Variants in SLC39A14 observed in about 807,000 individuals in gnomAD.
SLC39A14 encodes the protein metal cation symporter ZIP14.
Under a neutral mutation model 45.5 loss-of-function variants are expected in SLC39A14, and 19 were observed. That is an observed-to-expected ratio of 0.42 (90% CI 0.29 to 0.61). SLC39A14 has a LOEUF of 0.61. SLC39A14 is among the 20% of genes least tolerant of loss of function. The probability of loss-of-function intolerance (pLI) is 0.22; values close to 1 mark genes in which losing one functional copy is unlikely to be tolerated. For missense variants in SLC39A14, 447 were observed against 616.5 expected (o/e 0.73, Z 2.91); for synonymous variants, 264 against 251.3 (o/e 1.05, Z -0.48).
chr8:22,427,164 C>A (rs534159711), downstream of SLC39A14, among the ~76,000 whole-genome samples: 2 of 151,854 alleles, frequency 1.3e-5, no homozygotes, highest in Non-Finnish European at 2.9e-5. Flanking sequence ...TGGTGGCACA[C>A]CCTGTAATCC....
At position 22,421,092 on chromosome 8, in the gene SLC39A14, A is replaced by G. The variant is rs1374768572; in HGVS notation, c.*1394A>G. ...GAATTGATTTATTATTATCATATTG[A>G]TAATGTGAGATTCTTTAGCCACTTT... On this transcript the variant is annotated 3_prime_UTR_variant, in exon 9 of 9. Transcript: ENST00000381237. 4.1e-6 allele frequency: 4 copies of G among 985,678 alleles called. No individual in the cohort carries two copies. The African/African-American group carries it at 7.0e-5, about 17-fold the overall frequency. 61.1% of individuals were successfully genotyped at this position (985,678 alleles called of 1,614,324 possible).
At chr8:22,418,322 A>G (rs1586750475) in intron 8 of SLC39A14, among the ~76,000 whole-genome samples, 2 of 152,292 alleles carry the variant, frequency 1.3e-5, no homozygotes, top group East Asian at 1.9e-4. Context: ...TAAAGGAGGA[A>G]AAGTTTATGT....
intron 8 of SLC39A14, among the ~76,000 whole-genome samples, chr8:22,418,929 T>A: frequency 6.6e-6 from 1 of 151,916 alleles, no homozygotes; most frequent in East Asian, 1.9e-4. Flanking sequence ...CTCAGGAGGC[T>A]GAAGTGGGAC....
intron 7 of SLC39A14, among the ~76,000 whole-genome samples, chr8:22,417,104 G>C (rs12545575): frequency 6.6e-6 from 1 of 152,188 alleles, no homozygotes; most frequent in East Asian, 1.9e-4. Context: ...TAGGGACGAC[G>C]TAGGGTCAAG....
At chr8:22,415,679 A>G in intron 5 of SLC39A14, 90 bp from the exon 6 acceptor site, 1 of 1,212,572 alleles carries the variant, frequency 8.2e-7, no homozygotes, top group Non-Finnish European at 1.2e-6. Flanking sequence ...GAGGTCTTCC[A>G]GTGTGTGAAG....
intron 1 of SLC39A14, among the ~76,000 whole-genome samples, chr8:22,379,830 G>A (rs1161594662): frequency 3.3e-5 from 5 of 150,970 alleles, no homozygotes; most frequent in African/African-American, 9.7e-5. Flanking sequence ...TCAGGAGGCC[G>A]AGGCAGGAGA....
intron 4 of SLC39A14, among the ~76,000 whole-genome samples, 185 bp downstream of exon 4, chr8:22,412,391 G>C (rs1835624421): frequency 6.6e-6 from 1 of 152,226 alleles, no homozygotes; most frequent in Admixed American, 6.5e-5. Flanking sequence ...TCAAATCTCA[G>C]CTCTGCTATC....
downstream of SLC39A14, among the ~76,000 whole-genome samples, chr8:22,427,232 G>A (rs941454731): frequency 1.3e-5 from 2 of 151,906 alleles, no homozygotes; most frequent in Admixed American, 1.3e-4. Context: ...CGGAGGTTGC[G>A]GTGAGCTGAG....
chr8:22,398,987 A>G lies in SLC39A14; in HGVS notation c.-15-5709A>G, dbSNP rs568927439. Among the ~76,000 whole-genome samples, 40 of 152,278 alleles carry G rather than the reference A, an allele frequency of 2.6e-4. No homozygotes were observed. The South Asian group carries it at 8.3e-3, about 32-fold the overall frequency. ...ACTTATTTGACCCTGAGGCAAGTGC[A>G]CCCTCAGGCAGAGAGACTCCAGCCC... On this transcript the variant is annotated intron_variant, in intron 1 of 8. Coordinates refer to ENST00000381237, the MANE Select transcript of SLC39A14 (RefSeq NM_001128431.4).
intron 1 of SLC39A14, chr8:22,390,276 C>A (rs1043290926): frequency 7.2e-5 from 11 of 151,956 alleles, no homozygotes; most frequent in African/African-American, 2.7e-4. Context: ...AGGAACAACT[C>A]CATGTTTCCT....
intron 1 of SLC39A14, among the ~76,000 whole-genome samples, chr8:22,377,708 C>T (rs1210389213): frequency 5.9e-5 from 9 of 152,164 alleles, no homozygotes; most frequent in South Asian, 4.1e-4. Flanking sequence ...CTCCTATTAT[C>T]GTGGCCCTGA....
chr8:22,372,826 T>G (rs1833005264), intron 1 of SLC39A14, among the ~76,000 whole-genome samples: 1 of 152,136 alleles, frequency 6.6e-6, no homozygotes, highest in Non-Finnish European at 1.5e-5. Context: ...TTTTGAGACA[T>G]GGTCTCACTA....
At chr8:22,370,032 T>C (rs1312065660) in intron 1 of SLC39A14, among the ~76,000 whole-genome samples, 2 of 152,154 alleles carry the variant, frequency 1.3e-5, no homozygotes, top group Non-Finnish European at 2.9e-5. Context: ...AACTTTTTTC[T>C]ACCTTTGGTT....
intron 7 of SLC39A14, 22 bp from the exon 8 acceptor site, chr8:22,417,629 C>T: frequency 6.2e-7 from 1 of 1,607,124 alleles, no homozygotes; most frequent in Non-Finnish European, 8.5e-7. Flanking sequence ...CGTCCCTCCC[C>T]TTTTCATTCT....
At chr8:22,379,607 A>G (rs776583926) in intron 1 of SLC39A14, 11 of 152,268 alleles carry the variant, frequency 7.2e-5, no homozygotes, top group East Asian at 5.8e-4. Flanking sequence ...TGTGGATTCA[A>G]TCAACCACGG....
downstream of SLC39A14, among the ~76,000 whole-genome samples, chr8:22,424,027 C>G (rs1836340008): frequency 6.6e-6 from 1 of 150,946 alleles, no homozygotes; most frequent in Admixed American, 6.6e-5. Flanking sequence ...CCAAGCTAGC[C>G]TTGAACTCTT....
intron 3 of SLC39A14, among the ~76,000 whole-genome samples, chr8:22,409,322 G>A (rs986841627): frequency 6.6e-6 from 1 of 152,114 alleles, no homozygotes; most frequent in Non-Finnish European, 1.5e-5. Flanking sequence ...TATACTGTCT[G>A]TGTTACTGCA....
intron 1 of SLC39A14, among the ~76,000 whole-genome samples, chr8:22,374,711 T>C (rs970880716): frequency 6.6e-6 from 1 of 151,032 alleles, no homozygotes; most frequent in Non-Finnish European, 1.5e-5. Flanking sequence ...AGCAGCCCTC[T>C]GTCTTGGGGT....
chr8:22,391,387 C>T (rs1216671220), intron 1 of SLC39A14, among the ~76,000 whole-genome samples: 1 of 152,064 alleles, frequency 6.6e-6, no homozygotes, highest in Non-Finnish European at 1.5e-5. Flanking sequence ...TTAAAGCCAG[C>T]AGGTAATATG....
Sources: gnomAD v4.1 joint callset for allele counts (sites outside exome capture counted in the v4.1 genomes callset) on GRCh38, gnomAD v4.1.1 for gene constraint, MANE v1.5 for transcripts, NCBI Gene and HGNC (gene_info 2026-07-23, HGNC 2026-07-21) for gene names.